The following DOCK1 variants were observed in gnomAD, a reference collection of about 807,000 sequenced individuals.
DOCK1 encodes dedicator of cytokinesis 1.
DOCK1 carries 138 observed loss-of-function variants against 262.7 expected under a neutral mutation model. That is an observed-to-expected ratio of 0.53 (90% CI 0.46 to 0.61). DOCK1 has a LOEUF of 0.61. Ranked by LOEUF, DOCK1 falls within the 20% of genes least tolerant of loss-of-function variation. The probability of loss-of-function intolerance (pLI) is 0.00; values close to 1 mark genes in which losing one functional copy is unlikely to be tolerated. For missense variants in DOCK1, 1,908 were observed against 2,370.7 expected (o/e 0.80, Z 4.05); for synonymous variants, 866 against 867.4 (o/e 1.00, Z 0.03).
chr10:127,138,955 C>T (rs536587230), intron 27 of DOCK1, among the ~76,000 whole-genome samples: 1 of 152,338 alleles, frequency 6.6e-6, no homozygotes, highest in South Asian at 2.1e-4. Flanking sequence ...GACCCCCGGT[C>T]CATGCATCGT....
chr10:127,109,326 A>G (rs917143836), intron 24 of DOCK1, among the ~76,000 whole-genome samples: 2 of 152,212 alleles, frequency 1.3e-5, no homozygotes, highest in South Asian at 4.1e-4. Flanking sequence ...AGCTCTTCTA[A>G]AATTTCTTCA....
intron 11 of DOCK1, among the ~76,000 whole-genome samples, chr10:127,011,977 A>C (rs2041489023): frequency 6.6e-6 from 1 of 152,042 alleles, no homozygotes; most frequent in Non-Finnish European, 1.5e-5. Context: ...GATGCAGTGG[A>C]GGCCTGGTGC....
chr10:127,032,111 G>T (rs2043280333), intron 17 of DOCK1, 26 bp from the exon 18 acceptor site: 3 of 1,568,860 alleles, frequency 1.9e-6, no homozygotes, highest in East Asian at 2.4e-5. Flanking sequence ...AATTGCCTTT[G>T]ACATACGGCA....
At chr10:127,063,921 C>T (rs867817121) in intron 23 of DOCK1, among the ~76,000 whole-genome samples, 10 of 152,142 alleles carry the variant, frequency 6.6e-5, no homozygotes, top group African/African-American at 2.2e-4. Context: ...GACAGACGCA[C>T]GGCGTTTTAT....
chr10:127,121,155 TCTGGTC>T (rs2133021570), intron 25 of DOCK1, among the ~76,000 whole-genome samples: 1 of 152,302 alleles, frequency 6.6e-6, no homozygotes, highest in Admixed American at 6.5e-5. Flanking sequence ...TTCCTGGACT[TCTGGTC>T]AAGTGTTTGT....
intron 38 of DOCK1, 42 bp downstream of exon 38, chr10:127,384,951 T>G (rs1590817165): frequency 6.5e-7 from 1 of 1,528,596 alleles, no homozygotes; most frequent in Non-Finnish European, 8.8e-7. Flanking sequence ...CCTCTTTCCA[T>G]GCACCTACCT....
intron 27 of DOCK1, among the ~76,000 whole-genome samples, chr10:127,216,640 C>T (rs1314790366): frequency 6.6e-6 from 1 of 152,130 alleles, no homozygotes; most frequent in African/African-American, 2.4e-5. Context: ...GTGATTTCTC[C>T]ATCTCAATAA....
intron 29 of DOCK1, among the ~76,000 whole-genome samples, chr10:127,273,353 A>T (rs1221007463): frequency 6.6e-6 from 1 of 152,168 alleles, no homozygotes; most frequent in Non-Finnish European, 1.5e-5. Context: ...AAGGAAGTCT[A>T]GGCAGCTGTG....
chr10:127,447,948 C>T (rs1295931364), intron 51 of DOCK1, among the ~76,000 whole-genome samples: 1 of 152,192 alleles, frequency 6.6e-6, no homozygotes, highest in East Asian at 1.9e-4. Flanking sequence ...GCCAATATCG[C>T]CCTGTATGGC....
intron 47 of DOCK1, among the ~76,000 whole-genome samples, chr10:127,429,566 G>A (rs1338879415): frequency 6.6e-6 from 1 of 152,182 alleles, no homozygotes; most frequent in Admixed American, 6.5e-5. Flanking sequence ...GTGTTTCTGA[G>A]CCAGCTTAAG....
intron 44 of DOCK1, 38 bp from the exon 45 acceptor site, chr10:127,418,327 C>T: frequency 6.4e-7 from 1 of 1,554,088 alleles, no homozygotes; most frequent in Non-Finnish European, 8.7e-7. Context: ...GTGGAGGCAG[C>T]TGTGGGGCTG....
rs771144361 is a variant in DOCK1, at chr10:126,987,536, C to T, written c.243C>T (p.Val81=). The T allele has an allele frequency of 3.8e-6, 6 of 1,578,740 alleles. No homozygotes were observed. Among genetic ancestry groups the T allele is most frequent in the Non-Finnish European group, 5.2e-6 (6 of 1,162,046 alleles). Residue 81 remains valine (V), a synonymous_variant, in exon 5 of 52, where the codon GTC becomes GTT. Transcript: ENST00000623213. ...TTCCTCCCAGGCAACATGAAACAGT[C>T]ATCCCGGGTGACCTCCCCCTCATCC... is the stretch of plus-strand genomic sequence containing the variant. ...IVEGKGQHET[V]IPGDLPLIQE...
At position 126,951,305 on chromosome 10, in the gene DOCK1, G is replaced by A. The variant is rs904556769; in HGVS notation, c.47-19397G>A. Among the ~76,000 whole-genome samples the A allele has an allele frequency of 5.9e-5, 9 of 151,498 alleles. 1 individual carries two copies. The highest frequency in any genetic ancestry group is 1.9e-4 in the East Asian group (1 of 5,168). ...GGTAGTATTGGTAGTGTTAGTAGTGGTAGTATTGTTGGTAGTATTGTTGGT... is the reference window on the plus strand; with the variant it reads ...GGTAGTATTGGTAGTGTTAGTAGTGATAGTATTGTTGGTAGTATTGTTGGT... On this transcript the variant is annotated intron_variant, in intron 1 of 51. Transcript: ENST00000623213.
At chr10:127,269,807 A>AC (rs978557803) in intron 29 of DOCK1, among the ~76,000 whole-genome samples, 1 of 152,240 alleles carries the variant, frequency 6.6e-6, no homozygotes, top group African/African-American at 2.4e-5. Flanking sequence ...CTCTTAAGCC[A>AC]CATCCAAGGC....
Position 127,252,987 on chromosome 10 carries a change from A to G in DOCK1, c.2950-4348A>G, listed in dbSNP as rs78674377. Among the ~76,000 whole-genome samples the G allele has an allele frequency of 2.8e-4, 42 of 152,260 alleles. 1 individual carries two copies. The East Asian group carries it at 5.6e-3, about 20-fold the overall frequency. On this transcript the variant is annotated intron_variant, in intron 28 of 51. Coordinates refer to ENST00000623213, the MANE Select transcript of DOCK1 (RefSeq NM_001290223.2). ...ATTTTCATACAAAATCACACTTACT[A>G]TCAACACCAGTGACAGTGAGCATAT... is the stretch of plus-strand genomic sequence containing the variant.
At chr10:127,408,929 G>T in intron 40 of DOCK1, 108 bp from the exon 41 acceptor site, 1 of 1,367,476 alleles carries the variant, frequency 7.3e-7, no homozygotes. Context: ...TAAATTTAAT[G>T]ACATTTTGTA....
intron 27 of DOCK1, among the ~76,000 whole-genome samples, chr10:127,194,496 G>C (rs1349524407): frequency 6.6e-6 from 1 of 152,220 alleles, no homozygotes; most frequent in African/African-American, 2.4e-5. Context: ...TGGGGGAATA[G>C]TAAAAACCAG....
chr10:126,924,688 T>C (rs1029118666), intron 1 of DOCK1, among the ~76,000 whole-genome samples: 8 of 152,234 alleles, frequency 5.3e-5, no homozygotes, highest in African/African-American at 1.7e-4. Context: ...GCAGTTTTCG[T>C]CTGACCAGCA....
chr10:127,004,816 A>G (rs9418670), intron 10 of DOCK1, among the ~76,000 whole-genome samples: 29,914 of 121,216 alleles, frequency 0.25, 3,601 homozygotes, highest in South Asian at 0.39. Flanking sequence ...CACAAGCCCC[A>G]CTCCTGTCCA....
Sources: allele counts gnomAD v4.1 joint callset (sites outside exome capture counted in the v4.1 genomes callset), GRCh38; gene constraint gnomAD v4.1.1; transcripts MANE v1.5; gene names NCBI Gene and HGNC (gene_info 2026-07-23, HGNC 2026-07-21).